ORC4: variants seen among roughly 807,000 people sequenced by gnomAD.
The protein encoded by ORC4 is origin recognition complex subunit 4.
Under a neutral mutation model 63.9 loss-of-function variants are expected in ORC4, and 55 were observed. The ratio of observed to expected loss-of-function variants is 0.86; its 90% confidence interval spans 0.69 to 1.08. The LOEUF is 1.08. ORC4 is among the 50% of genes least tolerant of loss of function. ORC4 has a pLI of 0.00. For missense variants in ORC4, 511 were observed against 504.4 expected, an observed-to-expected ratio of 1.01 and a Z score of -0.13; for synonymous variants, 150 against 168.5, an observed-to-expected ratio of 0.89 and a Z score of 0.85.
chr2:148,012,889 G>GT (rs1337069974), intron 1 of ORC4, among the ~76,000 whole-genome samples: 7 of 152,080 alleles, frequency 4.6e-5, no homozygotes, highest in African/African-American at 1.7e-4. Context: ...CTATAATGAG[G>GT]TATCAACTCA....
rs1688476277 is a variant in ORC4 at position 147,943,383 on chromosome 2, A to G, written c.849+53T>C. Reference sequence around the variant, plus strand: ...CTGAGCAACAAAGTGAGACCCCGTCACTATTAAAAACAAAAACAAAGCAAC... The same window carrying G: ...CTGAGCAACAAAGTGAGACCCCGTCGCTATTAAAAACAAAAACAAAGCAAC... On this transcript the variant is annotated intron_variant, in intron 10 of 13. Coordinates refer to ENST00000392857, the MANE Select transcript of ORC4 (RefSeq NM_181741.4). The G allele has an allele frequency of 1.2e-5, 14 of 1,186,134 alleles. No homozygotes were observed. The South Asian group carries it at 1.7e-4, about 14-fold the overall frequency. 73.5% of individuals were successfully genotyped at this position (1,186,134 alleles called of 1,614,324 possible). A position where few individuals can be genotyped will look rare whatever the true frequency, so the allele number is the denominator to read the frequency against.
chr2:147,989,016 G>T (rs532523051), intron 1 of ORC4, among the ~76,000 whole-genome samples: 1 of 152,076 alleles, frequency 6.6e-6, no homozygotes, highest in Admixed American at 6.5e-5. Context: ...TGTAAATAAT[G>T]TAAGTTTTAT....
chr2:147,931,478 G>A lies in ORC4; in HGVS notation c.*4032C>T, dbSNP rs1687732001. 6.6e-6 allele frequency: 1 copy of A among 152,004 alleles called. No individual in the cohort carries two copies. The highest frequency in any genetic ancestry group is 2.4e-5 in the African/African-American group (1 of 41,392). 9.4% of individuals were successfully genotyped at this position (152,004 alleles called of 1,614,324 possible). On this transcript the variant is annotated 3_prime_UTR_variant, in exon 14 of 14. Transcript: ENST00000392857. ...ACTAGTTTACAGTCCCACCAACAGT[G>A]TGAAAGTGTTCCTATTTCTCCACAT...
chr2:147,937,968 A>C, intron 13 of ORC4, 178 bp downstream of exon 13: 1 of 630,600 alleles, frequency 1.6e-6, no homozygotes, highest in Non-Finnish European at 2.8e-6. Context: ...AAACTAAAAC[A>C]ACCGGTCACT....
chr2:147,994,091 T>C (rs1349126532), intron 1 of ORC4, among the ~76,000 whole-genome samples: 2 of 152,132 alleles, frequency 1.3e-5, no homozygotes, highest in African/African-American at 4.8e-5. Context: ...GAAATTAAAA[T>C]AATACCATAT....
chr2:147,990,233 TGCTA>T (rs1691501279), intron 1 of ORC4, among the ~76,000 whole-genome samples: 1 of 152,354 alleles, frequency 6.6e-6, no homozygotes, highest in Non-Finnish European at 1.5e-5. Context: ...GTTCTTGATT[TGCTA>T]GCTAAACAGT....
Position 147,938,153 on chromosome 2 carries a change from A to ACAAC in ORC4, c.1111_1114dup (p.Val372GlyfsTer7), listed in dbSNP as rs1223996633. 9 of 1,606,854 alleles carry ACAAC rather than the reference A, an allele frequency of 5.6e-6. No homozygotes were observed. The highest frequency in any genetic ancestry group is 7.7e-6 in the Non-Finnish European group (9 of 1,173,990). ...CAGCAAACTAAATCTTACCTTCATG[A>ACAAC]CAACAGGTTTTTCAAAATTATAAAC... is the stretch of plus-strand genomic sequence containing the variant. On this transcript the variant is annotated frameshift_variant, in exon 13 of 14. Transcript: ENST00000392857. LOFTEE classifies it high-confidence loss of function.
At chr2:147,995,553 G>A (rs778434395) in intron 1 of ORC4, among the ~76,000 whole-genome samples, 4 of 152,074 alleles carry the variant, frequency 2.6e-5, no homozygotes, top group Non-Finnish European at 4.4e-5. Context: ...CTTTGGGTCC[G>A]CACTGCCTTT....
At chr2:147,965,433 T>C (rs948807613) in intron 4 of ORC4, among the ~76,000 whole-genome samples, 3 of 151,038 alleles carry the variant, frequency 2.0e-5, no homozygotes, top group Non-Finnish European at 2.9e-5. Flanking sequence ...GAAAAAGATA[T>C]CCTATGAAAA....
intron 10 of ORC4, among the ~76,000 whole-genome samples, chr2:147,941,164 G>C (rs1688342216): frequency 2.0e-5 from 3 of 152,030 alleles, no homozygotes; most frequent in Admixed American, 1.3e-4. Context: ...TGTTGAGGCA[G>C]TATCAATTCT....
At position 147,933,001 on chromosome 2, in the gene ORC4, C is replaced by G. The variant is rs1422547368; in HGVS notation, c.*2509G>C. On this transcript the variant is annotated 3_prime_UTR_variant, in exon 14 of 14. Coordinates refer to ENST00000392857, the MANE Select transcript of ORC4 (RefSeq NM_181741.4). ...AGTTTGGACCAAACAGGTATTCATTCCCCAGAGCCTTTCACATGCACGAGA... is the reference window on the plus strand; with the variant it reads ...AGTTTGGACCAAACAGGTATTCATTGCCCAGAGCCTTTCACATGCACGAGA... 6.6e-6 allele frequency: 1 copy of G among 151,990 alleles called. No homozygotes were observed. The highest frequency in any genetic ancestry group is 1.5e-5 in the Non-Finnish European group (1 of 67,996). The allele number at this position is 151,990 out of a possible 1,614,324, so 9.4% of individuals were successfully genotyped here.
intron 1 of ORC4, among the ~76,000 whole-genome samples, chr2:148,019,519 G>T (rs757348563): frequency 1.4e-4 from 21 of 152,314 alleles, no homozygotes; most frequent in South Asian, 6.2e-4. Flanking sequence ...TTGAACCCAG[G>T]AGACAGAGGT....
chr2:147,940,482 C>T (rs1688306989), intron 10 of ORC4, among the ~76,000 whole-genome samples: 1 of 152,012 alleles, frequency 6.6e-6, no homozygotes, highest in South Asian at 2.1e-4. Flanking sequence ...CTTGCATGTG[C>T]ATGTTTATAG....
chr2:147,955,650 C>T (rs1689205595), intron 6 of ORC4, among the ~76,000 whole-genome samples: 1 of 151,144 alleles, frequency 6.6e-6, no homozygotes. Flanking sequence ...ATAAAACGGT[C>T]AAAGAAGAAA....
chr2:148,002,330 G>A (rs533808907), intron 1 of ORC4, among the ~76,000 whole-genome samples: 95 of 151,958 alleles, frequency 6.3e-4, no homozygotes, highest in African/African-American at 2.1e-3. Flanking sequence ...GCACCACATC[G>A]CACTTATTCT....
Position 147,938,372 on chromosome 2 carries a change from C to T in ORC4, c.980G>A (p.Cys327Tyr). ...TAAATGTTTCATTGCTATTATAAGA[C>T]AGATTTCCAAGACTGATAGACCTAC... The part of the protein sequence containing the change: ...IVHGLSVLEI[C>Y]LIIAMKHLND... Residue 327 changes from cysteine to tyrosine, a missense_variant, in exon 12 of 14, where the codon TGT (cysteine) becomes TAT (tyrosine). Transcript: ENST00000392857. The T allele has an allele frequency of 6.2e-7, 1 of 1,602,496 alleles. No individual in the cohort carries two copies. Among genetic ancestry groups the T allele is most frequent in the Non-Finnish European group, 8.5e-7 (1 of 1,171,462 alleles).
intron 13 of ORC4, among the ~76,000 whole-genome samples, chr2:147,936,121 G>A (rs1688038149): frequency 6.6e-6 from 1 of 152,032 alleles, no homozygotes; most frequent in Non-Finnish European, 1.5e-5. Flanking sequence ...CTCTATTTTT[G>A]CTTTGCTATG....
At chr2:147,953,443 T>C (rs1187938060) in intron 7 of ORC4, among the ~76,000 whole-genome samples, 1 of 152,164 alleles carries the variant, frequency 6.6e-6, no homozygotes, top group Non-Finnish European at 1.5e-5. Flanking sequence ...GATTATAAAA[T>C]TGACAGAGTT....
At chr2:147,939,585 C>A (rs923118023) in intron 10 of ORC4, among the ~76,000 whole-genome samples, 1 of 151,858 alleles carries the variant, frequency 6.6e-6, no homozygotes, top group Non-Finnish European at 1.5e-5. Context: ...AATAAAAGCC[C>A]CAAACACAAG....
Sources: allele counts gnomAD v4.1 joint callset (sites outside exome capture counted in the v4.1 genomes callset), GRCh38; gene constraint gnomAD v4.1.1; transcripts MANE v1.5; gene names NCBI Gene and HGNC (gene_info 2026-07-23, HGNC 2026-07-21).